The following PPAT variants were observed in gnomAD, a reference collection of about 807,000 sequenced individuals.
The protein encoded by PPAT is amidophosphoribosyltransferase.
PPAT carries 20 observed loss-of-function variants against 60.2 expected under a neutral mutation model. The observed-to-expected ratio is 0.33, with a 90% CI of 0.23 to 0.48. The LOEUF (loss-of-function observed/expected upper bound fraction) is 0.48. Among genes scored for constraint, PPAT ranks in the 20% least tolerant of loss-of-function variants. The probability of loss-of-function intolerance (pLI) is 0.99; values close to 1 mark genes in which losing one functional copy is unlikely to be tolerated. For missense variants in PPAT, 349 were observed against 629.6 expected, an observed-to-expected ratio of 0.55 and a Z score of 4.77; for synonymous variants, 194 against 215.1, an observed-to-expected ratio of 0.90 and a Z score of 0.86.
chr4:56,407,660 T>C lies in PPAT; in HGVS notation c.185A>G (p.Lys62Arg), dbSNP rs1238172647. Residue 62 changes from lysine to arginine, a missense_variant, in exon 2 of 11, where the codon AAA becomes AGA. Around this residue, in one of 5 missense-constraint regions of PPAT, gnomAD observed 115 missense variants for 174.5 expected, o/e 0.66. Coordinates refer to ENST00000264220, the MANE Select transcript of PPAT (RefSeq NM_002703.5). ...AAAGTTCAAATTTACCTTGTGTGAT[T>C]TGAATGTTGGCACCGAACTCCCATC... ...TSDGSSVPTF[K>R]SHKGMGLVNH... 6.2e-6 allele frequency: 10 copies of C among 1,602,002 alleles called. No individual in the cohort carries two copies. The South Asian group carries it at 1.1e-4, about 18-fold the overall frequency.
chr4:56,418,472 A>G (rs1196753034), intron 1 of PPAT, among the ~76,000 whole-genome samples: 1 of 152,064 alleles, frequency 6.6e-6, no homozygotes, highest in East Asian at 1.9e-4. Flanking sequence ...GGCACATGCC[A>G]CCAAGCCTGG....
At chr4:56,402,072 T>C in intron 6 of PPAT, 37 bp downstream of exon 6, 5 of 1,470,500 alleles carry the variant, frequency 3.4e-6, no homozygotes, top group Non-Finnish European at 4.6e-6. Flanking sequence ...CTTTTCAACA[T>C]GGGAAAATAA....
chr4:56,406,683 G>T lies in PPAT; in HGVS notation c.214C>A (p.His72Asn). ...KSHKGMGLVN[H>N]VFTEDNLKKL... is the part of the protein sequence containing the mutation. ...TTCAAATTGTCTTCAGTAAAGACGT[G>T]ATTTACAAGACCCATTCCCTTGAGA... Residue 72 changes from histidine to asparagine, a missense_variant, in exon 3 of 11, where the codon CAC becomes AAC. His to Asn is a moderately conservative substitution (Grantham distance 68). Transcript: ENST00000264220. 1.2e-6 allele frequency: 2 copies of T among 1,609,354 alleles called. No individual in the cohort carries two copies. The highest frequency in any genetic ancestry group is 1.1e-5 in the South Asian group (1 of 90,954).
At chr4:56,400,755 T>C (rs1258970683) in intron 8 of PPAT, 29 bp downstream of exon 8, 1 of 1,598,680 alleles carries the variant, frequency 6.3e-7, no homozygotes, top group Non-Finnish European at 8.5e-7. Context: ...GGGAGAGCAA[T>C]TCACTGCATG....
At chr4:56,408,577 T>A (rs12650250) in intron 1 of PPAT, among the ~76,000 whole-genome samples, 102,937 of 150,676 alleles carry the variant, frequency 0.68, 35,198 homozygotes, top group South Asian at 0.76. Flanking sequence ...ACACGGTGAA[T>A]CCCCGTCTCT....
At chr4:56,429,392 T>C (rs976142973) in intron 1 of PPAT, among the ~76,000 whole-genome samples, 1 of 152,152 alleles carries the variant, frequency 6.6e-6, no homozygotes, top group Non-Finnish European at 1.5e-5. Flanking sequence ...TAGTCAATAA[T>C]CAATATAACA....
At chr4:56,425,610 A>G (rs997315035) in intron 1 of PPAT, among the ~76,000 whole-genome samples, 2 of 152,222 alleles carry the variant, frequency 1.3e-5, no homozygotes, top group Non-Finnish European at 2.9e-5. Flanking sequence ...GGCACAAAGC[A>G]TCAACAACCT....
intron 1 of PPAT, chr4:56,419,853 T>C: frequency 1.0e-6 from 1 of 984,432 alleles, no homozygotes; most frequent in Non-Finnish European, 1.2e-6. Context: ...CAGAACAAAA[T>C]ACAAAAACCT....
chr4:56,431,336 A>C lies in PPAT; in HGVS notation c.128+4014T>G, dbSNP rs1436600155. On this transcript the variant is annotated intron_variant, in intron 1 of 10. Transcript: ENST00000264220. ...AAAACTAAATGAAGATTAACTGGGA[A>C]CTAGATCCATATAAGTCTGACTGAG... The C allele has an allele frequency of 3.9e-5, 16 of 409,422 alleles. No individual in the cohort carries two copies. The Admixed American group carries it at 1.0e-3, about 26-fold the overall frequency. 25.4% of individuals were successfully genotyped at this position (409,422 alleles called of 1,614,324 possible).
rs1233610909 is a variant in PPAT, at chr4:56,406,680, C to T, written c.217G>A (p.Val73Ile). 2.5e-6 allele frequency: 4 copies of T among 1,610,788 alleles called. No homozygotes were observed. The highest frequency in any genetic ancestry group is 1.3e-5 in the African/African-American group (1 of 74,904). ...SHKGMGLVNH[V>I]FTEDNLKKLY... ...TTTTTCAAATTGTCTTCAGTAAAGA[C>T]GTGATTTACAAGACCCATTCCCTTG... Residue 73 changes from valine to isoleucine, a missense_variant, in exon 3 of 11, where the codon GTC (valine) becomes ATC (isoleucine). This residue lies in a region of PPAT where 115 missense variants were observed against 174.5 expected (regional missense o/e 0.66). Transcript: ENST00000264220.
chr4:56,419,929 T>G, intron 1 of PPAT: 1 of 984,300 alleles, frequency 1.0e-6, no homozygotes, highest in Non-Finnish European at 1.2e-6. Flanking sequence ...ATGAAATTTT[T>G]TACTGAGTTG....
chr4:56,419,589 T>C (rs1716938474), intron 1 of PPAT: 1 of 797,302 alleles, frequency 1.3e-6, no homozygotes, highest in Non-Finnish European at 1.5e-6. Flanking sequence ...AATGCATATA[T>C]CTTTTACCTC....
intron 1 of PPAT, chr4:56,410,653 G>A (rs1264485819): frequency 1.0e-6 from 1 of 986,740 alleles, no homozygotes; most frequent in Non-Finnish European, 1.2e-6. Flanking sequence ...TTGCTAAAAG[G>A]CTGCAATCAT....
chr4:56,396,999 GC>G lies in PPAT; in HGVS notation c.1237-261del. On this transcript the variant is annotated intron_variant, in intron 9 of 10. Transcript: ENST00000264220. This position sits in a 1 kb window ranked among gnomAD's most constrained non-coding sequence, Gnocchi z 4.6. Reference sequence around the variant, plus strand: ...TTCTCTTGTAATACCAGGTACTTCTGCTTATCCCTTATCTTACCATTTTAAA... The same window carrying G: ...TTCTCTTGTAATACCAGGTACTTCTGTTATCCCTTATCTTACCATTTTAAA... The G allele has an allele frequency of 3.9e-6, 1 of 258,472 alleles. No homozygotes were observed. The highest frequency in any genetic ancestry group is 7.2e-6 in the Non-Finnish European group (1 of 138,042). 16.0% of individuals were successfully genotyped at this position (258,472 alleles called of 1,614,324 possible). A position where few individuals can be genotyped will look rare whatever the true frequency, so the allele number is the denominator to read the frequency against.
Position 56,396,848 on chromosome 4 carries a change from G to T in PPAT, c.1237-109C>A. ...CAGAATATTCAGTAACAACATATGG[G>T]TAATAAATTATTCTTTCTACAAAGC... On this transcript the variant is annotated intron_variant, in intron 9 of 10. Transcript: ENST00000264220. This position sits in a 1 kb window ranked among gnomAD's most constrained non-coding sequence, Gnocchi z 4.6. The T allele has an allele frequency of 2.8e-6, 3 of 1,056,510 alleles. No homozygotes were observed. Among genetic ancestry groups the T allele is most frequent in the South Asian group, 2.1e-5 (1 of 47,308 alleles). The allele number at this position is 1,056,510 out of a possible 1,614,324, so 65.4% of individuals were successfully genotyped here. A position where few individuals can be genotyped will look rare whatever the true frequency, so the allele number is the denominator to read the frequency against.
chr4:56,420,181 T>A (rs1716968086), intron 1 of PPAT: 1 of 174,776 alleles, frequency 5.7e-6, no homozygotes, highest in Non-Finnish European at 1.1e-5. Flanking sequence ...TATTTGCATA[T>A]ACATAGTGAG....
At chr4:56,415,816 C>T (rs1716700640) in intron 1 of PPAT, among the ~76,000 whole-genome samples, 1 of 152,142 alleles carries the variant, frequency 6.6e-6, no homozygotes, top group African/African-American at 2.4e-5. Context: ...GTGGCTCACA[C>T]CTGTAATCCC....
chr4:56,406,489 A>G lies in PPAT; in HGVS notation c.402+6T>C, dbSNP rs565852793. On this transcript the variant is annotated splice_donor_region_variant and intron_variant, in intron 3 of 10. Transcript: ENST00000264220. ...AGGCCTAGGGAAAACAAACAAACAAACGTACCTTTTTCCTTAATCGAGCAG... is the reference window on the plus strand; with the variant it reads ...AGGCCTAGGGAAAACAAACAAACAAGCGTACCTTTTTCCTTAATCGAGCAG... 2.1e-5 allele frequency: 33 copies of G among 1,608,178 alleles called. 1 individual carries two copies. In the South Asian group the frequency reaches 3.4e-4, roughly 17 times the overall value.
In PPAT at chr4:56,399,358, C is replaced by T. The variant is rs767496025; in HGVS notation, c.1057G>A (p.Val353Ile). The T allele has an allele frequency of 1.2e-6, 2 of 1,613,886 alleles. No individual in the cohort carries two copies. Among genetic ancestry groups the T allele is most frequent in the Non-Finnish European group, 1.7e-6 (2 of 1,179,942 alleles). Residue 353 changes from valine (V) to isoleucine (I), a missense_variant, in exon 9 of 11, where the codon GTA becomes ATA. Physicochemically the swap from Val to Ile is conservative, Grantham distance 29. Transcript: ENST00000264220. The part of the protein sequence containing the change: ...YVEVLCKNRY[V>I]GRTFIQPNMR... ...TTTGGCTGAATGAAGGTTCTCCCTA[C>T]ATACCGGTTTTTACACAGCACCTCC...
Sources: gnomAD v4.1 joint callset for allele counts (sites outside exome capture counted in the v4.1 genomes callset) on GRCh38, gnomAD v4.1.1 for gene constraint, gnomAD v4.1.1 regional missense constraint, Gnocchi (gnomAD v3.1) non-coding constraint, MANE v1.5 for transcripts, NCBI Gene and HGNC (gene_info 2026-07-23, HGNC 2026-07-21) for gene names.